The following IL16 variants were observed in gnomAD, a reference collection of about 807,000 sequenced individuals.
IL16 encodes the protein interleukin 16, also known as pro-interleukin-16.
Under a neutral mutation model 110.1 loss-of-function variants are expected in IL16, and 67 were observed. The ratio of observed to expected loss-of-function variants is 0.61; its 90% CI spans 0.50 to 0.75. The LOEUF (loss-of-function observed/expected upper bound fraction) is 0.75. IL16 is among the 30% of genes least tolerant of loss of function. The pLI, the probability that IL16 is intolerant of heterozygous loss-of-function variation, is 0.00. For missense variants in IL16, 1,545 were observed against 1,655.0 expected (o/e 0.93, Z 1.15); for synonymous variants, 689 against 662.9 (o/e 1.04, Z -0.61).
At chr15:81,291,842 C>T in intron 11 of IL16, 1 of 449,710 alleles carries the variant, frequency 2.2e-6, no homozygotes, top group Non-Finnish European at 4.5e-6. Flanking sequence ...TTCAAAGTGC[C>T]TTGACAGGTA....
rs1239384259 is a variant in IL16 at position 81,227,635 on chromosome 15, C to T, written c.312+1924C>T. On this transcript the variant is annotated intron_variant, in intron 2 of 18. Transcript: ENST00000683961. ...GGCAAGGACTTGGAGTTTTATTCTA[C>T]GAAGGATGGGAAGCCATGGGAGGAT... Among the ~76,000 whole-genome samples the T allele has an allele frequency of 5.3e-5, 8 of 152,186 alleles. No individual in the cohort carries two copies. The South Asian group carries it at 8.3e-4, about 16-fold the overall frequency.
At chr15:81,233,278 T>G (rs1050883589) in intron 2 of IL16, among the ~76,000 whole-genome samples, 3 of 152,108 alleles carry the variant, frequency 2.0e-5, no homozygotes, top group African/African-American at 7.2e-5. Context: ...TTTGCATAAC[T>G]CTAGTACAGT....
intron 2 of IL16, among the ~76,000 whole-genome samples, chr15:81,238,533 T>C (rs1479487457): frequency 6.6e-6 from 1 of 152,220 alleles, no homozygotes; most frequent in Non-Finnish European, 1.5e-5. Context: ...GTCTTACTTA[T>C]ATTTAGATCA....
At chr15:81,259,490 G>T (rs7164240) in intron 2 of IL16, among the ~76,000 whole-genome samples, 8,305 of 152,228 alleles carry the variant, frequency 0.055, 813 homozygotes, top group African/African-American at 0.19. Context: ...GTCTAACAAA[G>T]AACTTGACAT....
At chr15:81,260,558 G>T (rs1898114238) in intron 3 of IL16, among the ~76,000 whole-genome samples, 1 of 152,166 alleles carries the variant, frequency 6.6e-6, no homozygotes, top group Non-Finnish European at 1.5e-5. Context: ...CCAAATCCCT[G>T]TTATTAGGTA....
chr15:81,278,087 G>A (rs113475133), intron 6 of IL16, among the ~76,000 whole-genome samples: 15 of 151,248 alleles, frequency 9.9e-5, no homozygotes, highest in African/African-American at 1.5e-4. Flanking sequence ...ATATGACTTC[G>A]GACTTCTCTG....
chr15:81,216,918 G>A (rs1896454570), intron 1 of IL16, among the ~76,000 whole-genome samples: 1 of 151,886 alleles, frequency 6.6e-6, no homozygotes, highest in African/African-American at 2.4e-5. Flanking sequence ...TGACACCTAG[G>A]TCTACTTAGG....
chr15:81,259,831 C>T lies in IL16; in HGVS notation c.372C>T (p.Asn124=), dbSNP rs952013989. The T allele has an allele frequency of 2.5e-6, 4 of 1,613,934 alleles. No homozygotes were observed. The African/African-American group carries it at 5.3e-5, about 22-fold the overall frequency. The change falls in exon 3 of 19, where the codon AAC becomes AAT. Residue 124 remains asparagine, a synonymous_variant. Coordinates refer to ENST00000683961, the MANE Select transcript of IL16 (RefSeq NM_172217.5). Reference sequence around the variant, plus strand: ...GAAAACTAGAAGCACAAAGTAGTAACTTCCTGTTTCCTAAAGCCTGCCACC... The same window carrying T: ...GAAAACTAGAAGCACAAAGTAGTAATTTCCTGTTTCCTAAAGCCTGCCACC... ...KPGKLEAQSS[N]FLFPKACHQR... is the part of the protein sequence containing the mutation.
At chr15:81,252,901 T>C (rs141529587) in intron 2 of IL16, among the ~76,000 whole-genome samples, 168 of 152,356 alleles carry the variant, frequency 1.1e-3, no homozygotes, top group African/African-American at 4.0e-3. Flanking sequence ...GTTGTTTCTA[T>C]GTTCTGGATA....
At chr15:81,292,325 A>C in intron 11 of IL16, 1 of 605,478 alleles carries the variant, frequency 1.7e-6, no homozygotes, top group Non-Finnish European at 3.0e-6. Flanking sequence ...GCATATCTCC[A>C]TATACATCAG....
chr15:81,201,814 G>GAC (rs1170028611), intron 1 of IL16, among the ~76,000 whole-genome samples: 4 of 151,920 alleles, frequency 2.6e-5, no homozygotes, highest in Admixed American at 1.3e-4. Context: ...TCTAGCATCA[G>GAC]ACACACACAC....
intron 9 of IL16, among the ~76,000 whole-genome samples, chr15:81,283,346 T>C (rs1012903883): frequency 5.0e-4 from 68 of 135,696 alleles, no homozygotes; most frequent in African/African-American, 1.7e-3. Context: ...CACAGGTGCC[T>C]CAAAAAAAAA....
intron 2 of IL16, among the ~76,000 whole-genome samples, chr15:81,239,000 TTC>T (rs1009088949): frequency 6.6e-6 from 1 of 151,908 alleles, no homozygotes; most frequent in African/African-American, 2.4e-5. Context: ...TGAATTGGTG[TTC>T]TTTTTTTTTT....
At chr15:81,209,975 C>T (rs1595949818) in intron 1 of IL16, among the ~76,000 whole-genome samples, 1 of 152,290 alleles carries the variant, frequency 6.6e-6, no homozygotes, top group East Asian at 1.9e-4. Context: ...CTTAAGTTTT[C>T]CTCTAGGATT....
At chr15:81,251,707 T>C (rs2142148884) in intron 2 of IL16, among the ~76,000 whole-genome samples, 2 of 152,328 alleles carry the variant, frequency 1.3e-5, no homozygotes, top group South Asian at 4.1e-4. Flanking sequence ...CTCTTGATAG[T>C]CATTGCATAT....
intron 2 of IL16, among the ~76,000 whole-genome samples, chr15:81,231,939 C>A (rs1250989282): frequency 1.3e-5 from 2 of 150,224 alleles, no homozygotes; most frequent in African/African-American, 4.9e-5. Flanking sequence ...CTATTCTGAT[C>A]TATTAGTCTT....
At chr15:81,307,664 TCAC>T (rs1350748310) in intron 18 of IL16, among the ~76,000 whole-genome samples, 1 of 152,222 alleles carries the variant, frequency 6.6e-6, no homozygotes, top group Non-Finnish European at 1.5e-5. Context: ...ACAAGTCACT[TCAC>T]CACCATGGGC....
In IL16 at chr15:81,278,912, G is replaced by A. The variant is rs190479676; in HGVS notation, c.864+22G>A. 4.6e-4 allele frequency: 715 copies of A among 1,548,424 alleles called. 1 individual carries two copies. In the African/African-American group the frequency reaches 7.6e-3, roughly 16 times the overall value. On this transcript the variant is annotated intron_variant, in intron 7 of 18. Coordinates refer to ENST00000683961, the MANE Select transcript of IL16 (RefSeq NM_172217.5). ...CAAGGTGACCATTTCTTATCAACAC[G>A]TGACCAAACTCTGGGGCCTTCAGGC... is the stretch of plus-strand genomic sequence containing the variant.
chr15:81,297,202 C>A, intron 13 of IL16, 124 bp downstream of exon 13: 1 of 919,986 alleles, frequency 1.1e-6, no homozygotes, highest in Non-Finnish European at 1.6e-6. Flanking sequence ...CTGGACCTGG[C>A]TGATCAACAG....
Sources: gnomAD v4.1 joint callset for allele counts (sites outside exome capture counted in the v4.1 genomes callset) on GRCh38, gnomAD v4.1.1 for gene constraint, MANE v1.5 for transcripts, NCBI Gene and HGNC (gene_info 2026-07-23, HGNC 2026-07-21) for gene names.